The following PCLO variants were observed in gnomAD, a reference collection of about 807,000 sequenced individuals.
PCLO encodes protein piccolo.
PCLO carries 82 observed loss-of-function variants against 427.5 expected under a neutral mutation model. That is an observed-to-expected ratio of 0.19 (90% CI 0.16 to 0.23). The LOEUF (loss-of-function observed/expected upper bound fraction) is 0.23. Ranked by LOEUF, PCLO falls within the 10% of genes least tolerant of loss-of-function variation. The probability of loss-of-function intolerance (pLI) is 1.00; values close to 1 mark genes in which losing one functional copy is unlikely to be tolerated. For missense variants in PCLO, 6,239 were observed against 6,115.9 expected (o/e 1.02, Z -0.67); for synonymous variants, 2,357 against 2,155.4 (o/e 1.09, Z -2.59).
At chr7:82,831,084 C>A (rs1482623947) in intron 16 of PCLO, among the ~76,000 whole-genome samples, 2 of 152,022 alleles carry the variant, frequency 1.3e-5, no homozygotes, top group Admixed American at 1.3e-4. Flanking sequence ...TTAAATGCCT[C>A]CTTTTTCCTC....
Position 82,966,260 on chromosome 7 carries a change from TACTTTTTCCAGAATG to T in PCLO, c.3513_3527del (p.Ile1172_Val1176del), listed in dbSNP as rs1293352348. ...TTTTTTCCATTGATAGTGTTTCCTT[TACTTTTTCCAGAATG>T]ACTTTTTCAGCTTCCGTTTTTACTT... On this transcript the variant is annotated inframe_deletion, in exon 4 of 25. Transcript: ENST00000333891. The T allele has an allele frequency of 1.2e-6, 2 of 1,612,258 alleles. No homozygotes were observed.
chr7:82,907,654 T>C (rs1489716021), intron 8 of PCLO, among the ~76,000 whole-genome samples: 2 of 152,108 alleles, frequency 1.3e-5, no homozygotes, highest in East Asian at 3.9e-4. Context: ...TGGAATTATA[T>C]TGACATTTTA....
intron 3 of PCLO, among the ~76,000 whole-genome samples, chr7:82,989,583 A>G (rs1359840207): frequency 6.6e-6 from 1 of 152,170 alleles, no homozygotes; most frequent in Non-Finnish European, 1.5e-5. Flanking sequence ...TATTTTTCAC[A>G]TGTAATTTTA....
At chr7:83,153,710 T>C (rs1285284014) in intron 2 of PCLO, among the ~76,000 whole-genome samples, 2 of 152,166 alleles carry the variant, frequency 1.3e-5, no homozygotes, top group Non-Finnish European at 2.9e-5. Context: ...CATATTCTCT[T>C]AGAGCCTAAA....
intron 3 of PCLO, among the ~76,000 whole-genome samples, chr7:83,042,639 T>C (rs1788999819): frequency 6.6e-6 from 1 of 152,090 alleles, no homozygotes. Context: ...GGTGGGTGGA[T>C]GATCTGAGGT....
At chr7:83,151,442 C>T (rs561252248) in intron 2 of PCLO, among the ~76,000 whole-genome samples, 2 of 152,180 alleles carry the variant, frequency 1.3e-5, no homozygotes, top group Non-Finnish European at 2.9e-5. Context: ...TTCAGTTAAT[C>T]TTCCAGTGTG....
Position 83,154,930 on chromosome 7 carries a change from T to C in PCLO, c.1711A>G (p.Thr571Ala), listed in dbSNP as rs2116685384. 6.2e-7 allele frequency: 1 copy of C among 1,613,982 alleles called. No homozygotes were observed. The highest frequency in any genetic ancestry group is 1.3e-5 in the African/African-American group (1 of 75,044). Residue 571 changes from threonine to alanine, a missense_variant, in exon 2 of 25, where the codon ACA (threonine) becomes GCA (alanine). Coordinates refer to ENST00000333891, the MANE Select transcript of PCLO (RefSeq NM_033026.6). ...GGCTGTTTTGCAGATGGAGACACTG[T>C]TGGTGGCTGCAGAGGTTTTCCAGAT... ...TGSGKPLQPPTVSPSAKQPPS... is the reference protein window; with the variant it reads ...TGSGKPLQPPAVSPSAKQPPS...
Position 82,835,793 on chromosome 7 carries a change from A to C in PCLO, c.14223-100T>G, listed in dbSNP as rs1325824886. The C allele has an allele frequency of 5.7e-6, 5 of 877,816 alleles. No individual in the cohort carries two copies. In the African/African-American group the frequency reaches 8.5e-5, roughly 15 times the overall value. The allele number at this position is 877,816 out of a possible 1,614,324, so 54.4% of individuals were successfully genotyped here. ...ACAGAAATAAGAAAGAAAACATGAAAATAATAACTAGAGGAGCTATCCCAT... is the reference window on the plus strand; with the variant it reads ...ACAGAAATAAGAAAGAAAACATGAACATAATAACTAGAGGAGCTATCCCAT... On this transcript the variant is annotated intron_variant, in intron 15 of 24. Coordinates refer to ENST00000333891, the MANE Select transcript of PCLO (RefSeq NM_033026.6).
chr7:82,794,567 G>C (rs1791186263), intron 22 of PCLO, among the ~76,000 whole-genome samples: 1 of 145,094 alleles, frequency 6.9e-6, no homozygotes, highest in Non-Finnish European at 1.5e-5. Flanking sequence ...TGCCTCCTGG[G>C]CTCAAGCGAT....
intron 8 of PCLO, among the ~76,000 whole-genome samples, chr7:82,903,341 A>C (rs569623894): frequency 1.2e-4 from 18 of 152,088 alleles, no homozygotes; most frequent in African/African-American, 3.6e-4. Flanking sequence ...GATTTTGTTC[A>C]CTTTAATACT....
At chr7:82,951,647 C>T (rs1338350144) in intron 5 of PCLO, among the ~76,000 whole-genome samples, 157 bp from the exon 6 acceptor site, 3 of 146,724 alleles carry the variant, frequency 2.0e-5, no homozygotes, top group Non-Finnish European at 4.4e-5. Flanking sequence ...GTTGAACATG[C>T]AGGCGCATGC....
intron 3 of PCLO, among the ~76,000 whole-genome samples, chr7:83,127,811 T>C (rs975456482): frequency 1.3e-4 from 20 of 152,028 alleles, no homozygotes; most frequent in African/African-American, 4.6e-4. Flanking sequence ...GACCTAAAGT[T>C]TGATAAAGCC....
chr7:83,104,904 A>G (rs2116499769), intron 3 of PCLO, among the ~76,000 whole-genome samples: 1 of 152,252 alleles, frequency 6.6e-6, no homozygotes, highest in Middle Eastern at 3.4e-3. Context: ...CTCAATAGAT[A>G]CCTGTCAGTT....
intron 6 of PCLO, among the ~76,000 whole-genome samples, chr7:82,945,814 A>C (rs540349145): frequency 6.6e-6 from 1 of 152,318 alleles, no homozygotes; most frequent in Middle Eastern, 3.4e-3. Context: ...AAAACGTATA[A>C]ACCTAATTGA....
chr7:82,758,759 T>C, intron 24 of PCLO, 44 bp from the exon 25 acceptor site: 1 of 1,171,316 alleles, frequency 8.5e-7, no homozygotes, highest in Admixed American at 2.0e-5. Flanking sequence ...TTTATACACA[T>C]ATACATGTGT....
At position 82,956,992 on chromosome 7, in the gene PCLO, C is replaced by T. The variant is rs917067892; in HGVS notation, c.4018-57G>A. 1.7e-5 allele frequency: 25 copies of T among 1,456,356 alleles called. No individual in the cohort carries two copies. In the Middle Eastern group the frequency reaches 7.2e-4, roughly 42 times the overall value. 90.2% of individuals were successfully genotyped at this position (1,456,356 alleles called of 1,614,324 possible). On this transcript the variant is annotated intron_variant, in intron 4 of 24. Coordinates refer to ENST00000333891, the MANE Select transcript of PCLO (RefSeq NM_033026.6). Reference sequence around the variant, plus strand: ...TAACATGGTTAAACTAAAAACATGGCCTCTCCATTACTACCAAATAACTAT... The same window carrying T: ...TAACATGGTTAAACTAAAAACATGGTCTCTCCATTACTACCAAATAACTAT...
At chr7:82,940,335 C>T (rs1050230606) in intron 6 of PCLO, among the ~76,000 whole-genome samples, 1 of 152,066 alleles carries the variant, frequency 6.6e-6, no homozygotes, top group Non-Finnish European at 1.5e-5. Flanking sequence ...CACATTTATT[C>T]ATGTCGAAAG....
intron 20 of PCLO, among the ~76,000 whole-genome samples, chr7:82,811,002 G>C (rs944842943): frequency 2.0e-5 from 3 of 151,708 alleles, no homozygotes; most frequent in African/African-American, 7.2e-5. Context: ...ATAGGTTGCT[G>C]TCTATGATGT....
At chr7:82,995,742 T>C (rs1796480001) in intron 3 of PCLO, among the ~76,000 whole-genome samples, 1 of 151,992 alleles carries the variant, frequency 6.6e-6, no homozygotes, top group Non-Finnish European at 1.5e-5. Context: ...ACTTTCTTCA[T>C]ATTAAAACTG....
Sources: allele counts gnomAD v4.1 joint callset (sites outside exome capture counted in the v4.1 genomes callset), GRCh38; gene constraint gnomAD v4.1.1; transcripts MANE v1.5; gene names NCBI Gene and HGNC (gene_info 2026-07-23, HGNC 2026-07-21).